The following TGFBR3 variants were observed in gnomAD, a reference collection of about 807,000 sequenced individuals.
TGFBR3 encodes transforming growth factor beta receptor type 3.
A neutral mutation model predicts 87.9 loss-of-function variants in TGFBR3; 46 were observed. That is an observed-to-expected ratio of 0.52 (90% CI 0.41 to 0.67). TGFBR3 has a LOEUF of 0.67. Ranked by LOEUF, TGFBR3 falls within the 30% of genes least tolerant of loss-of-function variation. The pLI, the probability that TGFBR3 is intolerant of heterozygous loss-of-function variation, is 0.00. For synonymous variants in TGFBR3, 381 were observed against 391.6 expected (o/e 0.97, Z 0.32); for missense variants, 866 against 1,041.9 (o/e 0.83, Z 2.32).
chr1:91,799,369 GGTACTGACT>G (rs1413770948), intron 2 of TGFBR3, among the ~76,000 whole-genome samples: 4 of 152,212 alleles, frequency 2.6e-5, no homozygotes, highest in African/African-American at 9.6e-5. Flanking sequence ...AACAACAGGA[GGTACTGACT>G]GTAAATTCCC....
intron 16 of TGFBR3, among the ~76,000 whole-genome samples, chr1:91,694,596 T>C (rs1671369839): frequency 6.6e-6 from 1 of 152,256 alleles, no homozygotes; most frequent in African/African-American, 2.4e-5. Flanking sequence ...AGGGTAAAGA[T>C]ATGACTCTCC....
In TGFBR3 at chr1:91,684,948, G is replaced by A. The variant is rs977202871; in HGVS notation, c.2438-1091C>T. 6.6e-5 allele frequency among the ~76,000 whole-genome samples: 10 copies of A among 152,146 alleles called. No individual in the cohort carries two copies. In the South Asian group the frequency reaches 8.3e-4, roughly 13 times the overall value. On this transcript the variant is annotated intron_variant, in intron 16 of 16. Coordinates refer to ENST00000212355, the MANE Select transcript of TGFBR3 (RefSeq NM_003243.5). The stretch of plus-strand genomic sequence containing the variant: ...ATGCTGAAATACACATCTATCAGCC[G>A]GAGATAAGCAACCCTTCCAGCTGCT...
intron 2 of TGFBR3, among the ~76,000 whole-genome samples, chr1:91,829,049 C>A (rs1240729119): frequency 6.6e-6 from 1 of 152,108 alleles, no homozygotes; most frequent in African/African-American, 2.4e-5. Flanking sequence ...CACCATGACA[C>A]CTGGGCCATG....
At chr1:91,827,584 C>A (rs934000527) in intron 2 of TGFBR3, among the ~76,000 whole-genome samples, 2 of 152,200 alleles carry the variant, frequency 1.3e-5, no homozygotes, top group Non-Finnish European at 2.9e-5. Context: ...TTATCCTCCA[C>A]TTCTTAAGGC....
chr1:91,790,943 C>T (rs879403442), intron 3 of TGFBR3, among the ~76,000 whole-genome samples: 22 of 151,900 alleles, frequency 1.4e-4, no homozygotes, highest in Non-Finnish European at 2.4e-4. Flanking sequence ...TCTCGATAAT[C>T]GAGGGGGAAA....
chr1:91,709,149 A>T (rs1671895382), intron 13 of TGFBR3, among the ~76,000 whole-genome samples: 2 of 152,182 alleles, frequency 1.3e-5, no homozygotes, highest in Non-Finnish European at 2.9e-5. Context: ...CATGTTTGTG[A>T]TTGGTGATTG....
In TGFBR3 at chr1:91,683,585, G is replaced by T. The variant is rs1460397732; in HGVS notation, c.*154C>A. On this transcript the variant is annotated 3_prime_UTR_variant, in exon 17 of 17. Coordinates refer to ENST00000212355, the MANE Select transcript of TGFBR3 (RefSeq NM_003243.5). ...CCTGGGTGTGGGGTGAATACAACGGGTGATCTTTATACTGAAATTCACTCT... is the reference window on the plus strand; with the variant it reads ...CCTGGGTGTGGGGTGAATACAACGGTTGATCTTTATACTGAAATTCACTCT... 2.8e-6 allele frequency: 2 copies of T among 714,706 alleles called. No individual in the cohort carries two copies. The highest frequency in any genetic ancestry group is 3.6e-4 in the Middle Eastern group (1 of 2,752). The allele number at this position is 714,706 out of a possible 1,614,324, so 44.3% of individuals were successfully genotyped here. A position where few individuals can be genotyped will look rare whatever the true frequency, so the allele number is the denominator to read the frequency against.
At chr1:91,694,393 T>A (rs1395388044) in intron 16 of TGFBR3, among the ~76,000 whole-genome samples, 2 of 152,276 alleles carry the variant, frequency 1.3e-5, no homozygotes, top group Non-Finnish European at 2.9e-5. Flanking sequence ...AGAGGTTGCC[T>A]TTTGGGTGAA....
At chr1:91,702,854 G>A (rs1016892412) in intron 14 of TGFBR3, among the ~76,000 whole-genome samples, 1 of 152,142 alleles carries the variant, frequency 6.6e-6, no homozygotes, top group African/African-American at 2.4e-5. Context: ...AGACAAGCCT[G>A]GCCAACATGG....
At chr1:91,757,230 T>G (rs74099457) in intron 4 of TGFBR3, among the ~76,000 whole-genome samples, 215 of 152,196 alleles carry the variant, frequency 1.4e-3, no homozygotes, top group African/African-American at 5.0e-3. Context: ...TGTCGTTCAA[T>G]TTGGTTTTGT....
rs954979173 is a variant in TGFBR3 at position 91,816,447 on chromosome 1, C to A, written c.62-18976G>T. On this transcript the variant is annotated intron_variant, in intron 2 of 16. Coordinates refer to ENST00000212355, the MANE Select transcript of TGFBR3 (RefSeq NM_003243.5). The stretch of plus-strand genomic sequence containing the variant: ...CCCTACACTTCACTGACCACTCCTG[C>A]GTTCTCAACTGCAGTAAGCAAATAC... 3.3e-5 allele frequency among the ~76,000 whole-genome samples: 5 copies of A among 152,184 alleles called. No individual in the cohort carries two copies. The South Asian group carries it at 1.0e-3, about 31-fold the overall frequency.
At chr1:91,879,868 T>G (rs192367961) in intron 1 of TGFBR3, among the ~76,000 whole-genome samples, 194 of 152,320 alleles carry the variant, frequency 1.3e-3, no homozygotes, top group African/African-American at 4.2e-3. Context: ...CTATATTTCC[T>G]GGACAGAGCC....
chr1:91,894,157 CGATT>C (rs1438467064), intron 2 of TGFBR3, among the ~76,000 whole-genome samples: 27 of 152,096 alleles, frequency 1.8e-4, no homozygotes, highest in Admixed American at 1.8e-3. Context: ...CCACATCTGC[CGATT>C]TTATCTATGC....
upstream of TGFBR3, among the ~76,000 whole-genome samples, chr1:91,889,131 C>T (rs796709565): frequency 5.9e-5 from 9 of 152,264 alleles, no homozygotes; most frequent in African/African-American, 2.2e-4. Context: ...GTGATCCACC[C>T]GCCTTGGCCT....
upstream of TGFBR3, among the ~76,000 whole-genome samples, chr1:91,887,262 T>TTTTTTTTTG (rs1165045165): frequency 3.0e-3 from 380 of 125,218 alleles, 52 homozygotes; most frequent in African/African-American, 9.0e-3. Context: ...TTTTTTTTTT[T>TTTTTTTTTG]TGAGATGGAG....
chr1:91,713,667 TG>T (rs1672065998), intron 12 of TGFBR3, among the ~76,000 whole-genome samples: 2 of 152,310 alleles, frequency 1.3e-5, no homozygotes, highest in South Asian at 2.1e-4. Flanking sequence ...GATTCCTACG[TG>T]GTGGTTAACT....
intron 2 of TGFBR3, among the ~76,000 whole-genome samples, chr1:91,860,282 C>T (rs1678130385): frequency 6.6e-6 from 1 of 152,126 alleles, no homozygotes; most frequent in Non-Finnish European, 1.5e-5. Flanking sequence ...AATTGTTTAG[C>T]CCAGTGCCTG....
intron 1 of TGFBR3, among the ~76,000 whole-genome samples, chr1:91,868,372 T>C (rs1175017051): frequency 6.6e-6 from 1 of 152,244 alleles, no homozygotes; most frequent in East Asian, 1.9e-4. Context: ...GATTAGACTT[T>C]ATCATCTAGA....
intron 3 of TGFBR3, among the ~76,000 whole-genome samples, chr1:91,768,262 C>A (rs1222250705): frequency 6.6e-6 from 1 of 151,674 alleles, no homozygotes; most frequent in African/African-American, 2.4e-5. Flanking sequence ...TATTACTGAC[C>A]TATGTCCTGT....
Sources: gnomAD v4.1 joint callset for allele counts (sites outside exome capture counted in the v4.1 genomes callset) on GRCh38, gnomAD v4.1.1 for gene constraint, MANE v1.5 for transcripts, NCBI Gene and HGNC (gene_info 2026-07-23, HGNC 2026-07-21) for gene names.